Variants in TENM2 observed in about 807,000 individuals in gnomAD.
TENM2 encodes teneurin transmembrane protein 2.
In TENM2, 52 loss-of-function variants were observed where a neutral mutation model predicts 245.2. The ratio of observed to expected loss-of-function variants is 0.21; its 90% CI spans 0.17 to 0.27. TENM2 has a LOEUF of 0.27. TENM2 is among the 10% of genes least tolerant of loss of function. The probability of loss-of-function intolerance (pLI) is 1.00; values close to 1 mark genes in which losing one functional copy is unlikely to be tolerated. For synonymous variants in TENM2, 1,363 were observed against 1,438.9 expected, an observed-to-expected ratio of 0.95 and a Z score of 1.19; for missense variants, 3,046 against 3,666.8, an observed-to-expected ratio of 0.83 and a Z score of 4.37.
chr5:168,183,499 A>C (rs2152495657), intron 13 of TENM2, among the ~76,000 whole-genome samples: 1 of 152,046 alleles, frequency 6.6e-6, no homozygotes, highest in African/African-American at 2.4e-5. Context: ...CCCCCTTTTT[A>C]CTCAGGAAAC....
chr5:167,324,344 G>T (rs547601757), intron 1 of TENM2, among the ~76,000 whole-genome samples: 1 of 152,262 alleles, frequency 6.6e-6, no homozygotes, highest in Admixed American at 6.5e-5. Context: ...AGAGAAATAG[G>T]ATCCATCTAA....
intron 2 of TENM2, among the ~76,000 whole-genome samples, chr5:167,559,018 C>G (rs1214639350): frequency 6.6e-6 from 1 of 152,192 alleles, no homozygotes; most frequent in Non-Finnish European, 1.5e-5. Context: ...CAGTGTTGAT[C>G]TATACATCCC....
chr5:167,750,600 T>C (rs368169174), intron 2 of TENM2, among the ~76,000 whole-genome samples: 2 of 152,076 alleles, frequency 1.3e-5, no homozygotes, highest in Non-Finnish European at 2.9e-5. Context: ...CACACGATAG[T>C]GGTACACCTA....
chr5:167,430,758 C>G (rs1764169006), intron 2 of TENM2, among the ~76,000 whole-genome samples: 1 of 152,200 alleles, frequency 6.6e-6, no homozygotes, highest in Non-Finnish European at 1.5e-5. Context: ...TTAAACTCTA[C>G]TGTGACAGCT....
At chr5:168,171,218 T>C (rs1158203573) in intron 13 of TENM2, among the ~76,000 whole-genome samples, 4 of 152,256 alleles carry the variant, frequency 2.6e-5, no homozygotes, top group Admixed American at 2.6e-4. Context: ...ACTCCTAAAT[T>C]TTCTCACGCT....
intron 2 of TENM2, among the ~76,000 whole-genome samples, chr5:167,458,513 A>T (rs1242292084): frequency 2.0e-5 from 3 of 151,512 alleles, no homozygotes; most frequent in Non-Finnish European, 4.4e-5. Flanking sequence ...AAAAAAAAAA[A>T]AAAGACATTT....
At chr5:167,163,416 A>G in the TENM2 span, among the ~76,000 whole-genome samples, 3 of 152,220 alleles carry the variant, frequency 2.0e-5, no homozygotes, top group East Asian at 3.9e-4. Flanking sequence ...CTAAATATGA[A>G]TACACATTCT....
chr5:168,044,013 T>C (rs1462810302), intron 5 of TENM2, among the ~76,000 whole-genome samples: 1 of 152,218 alleles, frequency 6.6e-6, no homozygotes, highest in Non-Finnish European at 1.5e-5. Flanking sequence ...TTCTCAAACT[T>C]CACAGTCAAT....
intron 1 of TENM2, among the ~76,000 whole-genome samples, chr5:167,315,924 C>A (rs1310644113): frequency 1.3e-5 from 2 of 152,106 alleles, no homozygotes; most frequent in African/African-American, 4.8e-5. Context: ...GAAATAGAGA[C>A]CTTGGGTCCA....
At chr5:167,144,799 C>T in the TENM2 span, among the ~76,000 whole-genome samples, 1 of 152,182 alleles carries the variant, frequency 6.6e-6, no homozygotes, top group East Asian at 1.9e-4. Flanking sequence ...TTAGTGTATG[C>T]TTTAGTTTCC....
intron 2 of TENM2, among the ~76,000 whole-genome samples, chr5:167,856,563 T>A (rs572747897): frequency 2.0e-5 from 3 of 152,178 alleles, no homozygotes; most frequent in Non-Finnish European, 4.4e-5. Context: ...GATTTTCAGC[T>A]GGGAACTGAA....
At chr5:167,562,024 A>G (rs1773625206) in intron 2 of TENM2, among the ~76,000 whole-genome samples, 1 of 152,140 alleles carries the variant, frequency 6.6e-6, no homozygotes, top group African/African-American at 2.4e-5. Context: ...TGAGGCAGTT[A>G]AAGAGATGGT....
intron 2 of TENM2, among the ~76,000 whole-genome samples, chr5:167,538,364 T>C (rs1261551005): frequency 6.6e-6 from 1 of 152,250 alleles, no homozygotes; most frequent in Non-Finnish European, 1.5e-5. Flanking sequence ...TAGGCTCATC[T>C]GAGCAAAGTA....
chr5:167,866,609 G>A (rs1469257649), intron 2 of TENM2, among the ~76,000 whole-genome samples: 3 of 152,112 alleles, frequency 2.0e-5, no homozygotes, highest in Non-Finnish European at 2.9e-5. Context: ...GTTTCGGCGT[G>A]TTTAGAGCAT....
chr5:167,662,380 A>G (rs1370791047), intron 2 of TENM2, among the ~76,000 whole-genome samples: 1 of 152,120 alleles, frequency 6.6e-6, no homozygotes, highest in Non-Finnish European at 1.5e-5. Flanking sequence ...TTAATTACTG[A>G]TAACACCCCG....
chr5:167,333,399 A>C (rs758970461), intron 1 of TENM2, among the ~76,000 whole-genome samples: 40 of 152,218 alleles, frequency 2.6e-4, no homozygotes, highest in Non-Finnish European at 3.5e-4. Context: ...TGTTCAGATA[A>C]AGTTCTTAAA....
intron 3 of TENM2, among the ~76,000 whole-genome samples, chr5:167,929,045 AAAAGAAAGAAAGAGAGAAAGAAAGAAAG>A (rs1778002106): frequency 2.0e-4 from 27 of 131,886 alleles, no homozygotes; most frequent in African/African-American, 8.2e-4. Flanking sequence ...AAGAAAAGAA[AAAAGAAAGAAAGAGAGAAAGAAAGAAAG>A]AAAGAAAGAA....
intron 2 of TENM2, among the ~76,000 whole-genome samples, chr5:167,417,652 G>A (rs1228711600): frequency 6.6e-6 from 1 of 152,082 alleles, no homozygotes; most frequent in Non-Finnish European, 1.5e-5. Flanking sequence ...ATTCCTACGT[G>A]GTAAGTGGTG....
chr5:167,436,891 A>G (rs535729665), intron 2 of TENM2, among the ~76,000 whole-genome samples: 10 of 152,330 alleles, frequency 6.6e-5, no homozygotes, highest in African/African-American at 2.4e-4. Flanking sequence ...ACCTCCGCCT[A>G]CATTTCAGAA....
Sources: allele counts gnomAD v4.1 joint callset (sites outside exome capture counted in the v4.1 genomes callset), GRCh38; gene constraint gnomAD v4.1.1; transcripts MANE v1.5; gene names NCBI Gene and HGNC (gene_info 2026-07-23, HGNC 2026-07-21).